ZNF90: variants seen among roughly 807,000 people sequenced by gnomAD.
The protein encoded by ZNF90 is zinc finger protein 90.
ZNF90 carries 11 observed loss-of-function variants against 12.0 expected under a neutral mutation model. The ratio of observed to expected loss-of-function variants is 0.92; its 90% CI spans 0.58 to 1.52. The LOEUF (loss-of-function observed/expected upper bound fraction) is 1.52. Ranked by LOEUF, ZNF90 falls within the 40% of genes most tolerant of loss-of-function variation. The pLI, the probability that ZNF90 is intolerant of heterozygous loss-of-function variation, is 0.00. For synonymous variants in ZNF90, 232 were observed against 240.1 expected, an observed-to-expected ratio of 0.97 and a Z score of 0.31; for missense variants, 765 against 711.5, an observed-to-expected ratio of 1.08 and a Z score of -0.86.
chr19:20,118,777 GCTC>G lies in ZNF90; in HGVS notation c.1227_1229del (p.Ser410del), dbSNP rs781819507. 6 of 1,606,654 alleles carry G rather than the reference GCTC, an allele frequency of 3.7e-6. No homozygotes were observed. Among genetic ancestry groups the G allele is most frequent in the Non-Finnish European group, 5.1e-6 (6 of 1,176,560 alleles). The stretch of plus-strand genomic sequence containing the variant: ...GAAGAATGTGGCAAAGCCTTCAAGC[GCTC>G]CTCAACACTTACTATACATAAGATA... On this transcript the variant is annotated inframe_deletion, in exon 4 of 4. Transcript: ENST00000418063.
At chr19:20,114,996 A>G (rs1268427200) in intron 3 of ZNF90, among the ~76,000 whole-genome samples, 2 of 152,156 alleles carry the variant, frequency 1.3e-5, no homozygotes, top group Non-Finnish European at 1.5e-5. Flanking sequence ...TGGATAAACA[A>G]ATTTGTCATA....
intron 1 of ZNF90, among the ~76,000 whole-genome samples, chr19:20,088,528 A>T (rs1555702350): frequency 6.6e-6 from 1 of 152,190 alleles, no homozygotes; most frequent in African/African-American, 2.4e-5. Flanking sequence ...GTTCAGCGTA[A>T]TTACTTGCTT....
intron 3 of ZNF90, among the ~76,000 whole-genome samples, chr19:20,116,321 C>A (rs1442601666): frequency 6.6e-6 from 1 of 151,992 alleles, no homozygotes; most frequent in Non-Finnish European, 1.5e-5. Context: ...AGGCTTATGC[C>A]ACCATGCCCA....
rs1170279035 is a variant in ZNF90 at position 20,105,424 on chromosome 19, GA to G, written c.226+110del. 612 of 868,030 alleles carry G rather than the reference GA, an allele frequency of 7.1e-4. 3 individuals are homozygous for G. In the East Asian group the frequency reaches 0.015, roughly 21 times the overall value. The allele number at this position is 868,030 out of a possible 1,614,324, so 53.8% of individuals were successfully genotyped here. A position where few individuals can be genotyped will look rare whatever the true frequency, so the allele number is the denominator to read the frequency against. Reference sequence around the variant, plus strand: ...GATTTAGGAAGCTGTGTTCCAAAGAGAATAGTTCCTGGGATTCTGTTTTTTG... The same window carrying G: ...GATTTAGGAAGCTGTGTTCCAAAGAGATAGTTCCTGGGATTCTGTTTTTTG... On this transcript the variant is annotated intron_variant, in intron 3 of 3. Coordinates refer to ENST00000418063, the MANE Select transcript of ZNF90 (RefSeq NM_007138.2).
chr19:20,078,707 C>T (rs1234485391), intron 1 of ZNF90, among the ~76,000 whole-genome samples: 1 of 152,126 alleles, frequency 6.6e-6, no homozygotes, highest in African/African-American at 2.4e-5. Context: ...CCTTTTCTCA[C>T]AAATCGCGCA....
chr19:20,118,456 A>G lies in ZNF90; in HGVS notation c.902A>G (p.Tyr301Cys). 2 of 1,612,738 alleles carry G rather than the reference A, an allele frequency of 1.2e-6. No individual in the cohort carries two copies. Among genetic ancestry groups the G allele is most frequent in the South Asian group, 1.1e-5 (1 of 90,944 alleles). Residue 301 changes from tyrosine (Y) to cysteine (C), a missense_variant, in exon 4 of 4, where the codon TAT becomes TGT. Coordinates refer to ENST00000418063, the MANE Select transcript of ZNF90 (RefSeq NM_007138.2). The part of the protein sequence containing the change: ...GRAFISSSIL[Y>C]VHKISHTEEK... ...GCATTTATTTCATCCTCGATCCTTT[A>G]TGTACATAAGATAAGTCATACTGAA...
intron 1 of ZNF90, among the ~76,000 whole-genome samples, chr19:20,088,522 A>G (rs956963065): frequency 3.9e-5 from 6 of 152,228 alleles, no homozygotes; most frequent in Non-Finnish European, 8.8e-5. Context: ...AAGGGGGTTC[A>G]GCGTAATTAC....
chr19:20,096,940 C>T (rs1416174654), intron 1 of ZNF90, among the ~76,000 whole-genome samples: 3 of 152,194 alleles, frequency 2.0e-5, no homozygotes, highest in Admixed American at 6.5e-5. Context: ...AGCAGCTAAA[C>T]CACCTCCTGT....
Position 20,119,542 on chromosome 19 carries a change from C to A in ZNF90, c.*182C>A. 1.7e-6 allele frequency: 1 copy of A among 603,148 alleles called. No individual in the cohort carries two copies. 37.4% of individuals were successfully genotyped at this position (603,148 alleles called of 1,614,324 possible). On this transcript the variant is annotated 3_prime_UTR_variant, in exon 4 of 4. Transcript: ENST00000418063. ...AAATCATTTTAAGGAAGTTCTCAACCCTTACTACACATAATTCATACTGGA... is the reference window on the plus strand; with the variant it reads ...AAATCATTTTAAGGAAGTTCTCAACACTTACTACACATAATTCATACTGGA...
chr19:20,087,750 A>G (rs1555702247), intron 1 of ZNF90, among the ~76,000 whole-genome samples: 1 of 152,220 alleles, frequency 6.6e-6, no homozygotes, highest in Non-Finnish European at 1.5e-5. Flanking sequence ...GCTTTTGATC[A>G]CCTGGGTGCA....
intron 3 of ZNF90, 182 bp from the exon 4 acceptor site, chr19:20,117,599 T>G: frequency 1.0e-6 from 1 of 984,782 alleles, no homozygotes; most frequent in Non-Finnish European, 1.2e-6. Flanking sequence ...GCCTGGTTAA[T>G]TTTGTTTGTA....
At chr19:20,109,453 A>T (rs1277324173) in intron 3 of ZNF90, among the ~76,000 whole-genome samples, 1 of 152,148 alleles carries the variant, frequency 6.6e-6, no homozygotes, top group African/African-American at 2.4e-5. Flanking sequence ...TGAGAGAAAC[A>T]CTTTTGTGAT....
chr19:20,114,698 T>A (rs1555705477), intron 3 of ZNF90, among the ~76,000 whole-genome samples: 2 of 152,190 alleles, frequency 1.3e-5, no homozygotes, highest in Non-Finnish European at 2.9e-5. Context: ...GCCTAACAGG[T>A]GGTCCATAAA....
At chr19:20,115,609 G>A (rs1444451017) in intron 3 of ZNF90, among the ~76,000 whole-genome samples, 5 of 151,682 alleles carry the variant, frequency 3.3e-5, no homozygotes, top group Non-Finnish European at 7.4e-5. Flanking sequence ...CTGCTGCTCC[G>A]AAAATGCTCT....
intron 1 of ZNF90, chr19:20,080,298 AAC>A (rs1375498671): frequency 1.8e-6 from 1 of 550,850 alleles, no homozygotes; most frequent in Non-Finnish European, 3.6e-6. Context: ...TATTGTAGAC[AAC>A]ATGGACGATC....
chr19:20,118,862 C>T lies in ZNF90; in HGVS notation c.1308C>T (p.Arg436=). ...AAGAATGTGACAAAGTCTTCAAACG[C>T]TCCTCAGCCCTTAGCACACATAAGA... ...KCQECDKVFK[R]SSALSTHKII... The change falls in exon 4 of 4, where the codon CGC becomes CGT. Residue 436 remains arginine (R), a synonymous_variant. Transcript: ENST00000418063. The T allele has an allele frequency of 1.2e-6, 2 of 1,606,724 alleles. No individual in the cohort carries two copies. Among genetic ancestry groups the T allele is most frequent in the South Asian group, 1.1e-5 (1 of 90,296 alleles).
chr19:20,090,106 A>T (rs868995654), intron 1 of ZNF90, among the ~76,000 whole-genome samples: 54 of 152,310 alleles, frequency 3.5e-4, no homozygotes, highest in African/African-American at 1.3e-3. Context: ...GCACCAAGAG[A>T]TATCAGCTGT....
chr19:20,117,427 C>CCTTCCTTCCTTCCTTCCTTG, intron 3 of ZNF90: 1 of 149,190 alleles, frequency 6.7e-6, no homozygotes, highest in East Asian at 2.0e-4. Flanking sequence ...TTCCTTTCTT[C>CCTTCCTTCCTTCCTTCCTTG]CTTCCCTCCT....
intron 3 of ZNF90, among the ~76,000 whole-genome samples, chr19:20,106,671 T>A (rs1346908566): frequency 6.6e-6 from 1 of 152,210 alleles, no homozygotes; most frequent in Non-Finnish European, 1.5e-5. Flanking sequence ...GCCTGGATGG[T>A]CTCGATCTTC....
Sources: gnomAD v4.1 joint callset for allele counts (sites outside exome capture counted in the v4.1 genomes callset) on GRCh38, gnomAD v4.1.1 for gene constraint, MANE v1.5 for transcripts, NCBI Gene and HGNC (gene_info 2026-07-23, HGNC 2026-07-21) for gene names.